The following ADIPOR1 variants were observed in gnomAD, a reference collection of about 807,000 sequenced individuals.
The protein encoded by ADIPOR1 is adiponectin receptor 1.
Under a neutral mutation model 37.5 loss-of-function variants are expected in ADIPOR1, and 15 were observed. That is an observed-to-expected ratio of 0.40 (90% confidence interval 0.27 to 0.62). The LOEUF is 0.62. Among genes scored for constraint, ADIPOR1 ranks in the 20% least tolerant of loss-of-function variants. The pLI is 0.42. For synonymous variants in ADIPOR1, 173 were observed against 173.2 expected (o/e 1.00, Z 0.01); for missense variants, 286 against 478.0 (o/e 0.60, Z 3.75).
chr1:202,941,950 CACCTTTTCCTCAG>C lies in ADIPOR1; in HGVS notation c.999+62_999+74del. ...ACACTATATGATCCCAGTCTCATACCACCTTTTCCTCAGCCCTTTAACTTTGGGCTGTTCACTC... is the reference window on the plus strand; with the variant it reads ...ACACTATATGATCCCAGTCTCATACCCCCTTTAACTTTGGGCTGTTCACTC... On this transcript the variant is annotated intron_variant, in intron 7 of 7. Transcript: ENST00000340990. 5 of 1,463,972 alleles carry C rather than the reference CACCTTTTCCTCAG, an allele frequency of 3.4e-6. No individual in the cohort carries two copies. The South Asian group carries it at 6.6e-5, about 19-fold the overall frequency. The allele number at this position is 1,463,972 out of a possible 1,614,324, so 90.7% of individuals were successfully genotyped here.
At position 202,940,910 on chromosome 1, in the gene ADIPOR1, G is replaced by A. The variant is rs1382864151; in HGVS notation, c.*663C>T. 1 of 152,474 alleles carries A rather than the reference G, an allele frequency of 6.6e-6. No individual in the cohort carries two copies. The highest frequency in any genetic ancestry group is 2.4e-5 in the African/African-American group (1 of 41,378). The allele number at this position is 152,474 out of a possible 1,614,324, so 9.4% of individuals were successfully genotyped here. On this transcript the variant is annotated 3_prime_UTR_variant, in exon 8 of 8. Coordinates refer to ENST00000340990, the MANE Select transcript of ADIPOR1 (RefSeq NM_015999.6). ...ATCAAGATACATAGCAATGATAGCA[G>A]GTTTCTTTTTAAAGCTTAGTATTAA...
At position 202,945,045 on chromosome 1, in the gene ADIPOR1, G is replaced by A. The variant is rs551807949; in HGVS notation, c.555C>T (p.Ser185=). 1 of 1,614,156 alleles carries A rather than the reference G, an allele frequency of 6.2e-7. No individual in the cohort carries two copies. Among genetic ancestry groups the A allele is most frequent in the African/African-American group, 1.3e-5 (1 of 75,040 alleles). The change falls in exon 5 of 8, where the codon AGC becomes AGT. Residue 185 remains serine (S), a synonymous_variant. Transcript: ENST00000340990. The part of the protein sequence containing the change: ...MFFLGAVLCL[S]FSWLFHTVYC... ...AGACGGTGTGAAAGAGCCAGGAGAA[G>A]CTGAGGCAGAGCACTGCACCCAAAA...
rs569442252 is a variant in ADIPOR1, at chr1:202,950,618, G to C, written c.141+312C>G. On this transcript the variant is annotated intron_variant, in intron 2 of 7. Coordinates refer to ENST00000340990, the MANE Select transcript of ADIPOR1 (RefSeq NM_015999.6). ...TCCTGTCAAAACTGTAAGGATTTTT[G>C]TGTGTTATATGAAGTCAAACCTAAT... Among the ~76,000 whole-genome samples, 18 of 152,202 alleles carry C rather than the reference G, an allele frequency of 1.2e-4. No homozygotes were observed. In the South Asian group the frequency reaches 3.1e-3, roughly 26 times the overall value.
intron 3 of ADIPOR1, among the ~76,000 whole-genome samples, chr1:202,947,984 T>G (rs1422330600): frequency 6.6e-6 from 1 of 152,226 alleles, no homozygotes; most frequent in East Asian, 1.9e-4. Context: ...AATACATTAG[T>G]GCTCATCATT....
chr1:202,955,420 C>T (rs113274274), intron 1 of ADIPOR1, among the ~76,000 whole-genome samples: 15 of 152,004 alleles, frequency 9.9e-5, no homozygotes, highest in African/African-American at 3.4e-4. Flanking sequence ...GAGACAAGGT[C>T]TCACTATGTT....
Position 202,945,093 on chromosome 1 carries a change from C to T in ADIPOR1, c.507G>A (p.Glu169=). ...PNMYFMAPLQ[E]KVVFGMFFLG... ...AAAAGAACATCCCAAAAACCACCTT[C>T]TCCTGTAGAGGGGCCATGAAGTACA... The change falls in exon 5 of 8, where the codon GAG becomes GAA. Residue 169 remains glutamate (E), a synonymous_variant. Coordinates refer to ENST00000340990, the MANE Select transcript of ADIPOR1 (RefSeq NM_015999.6). The T allele has an allele frequency of 1.9e-6, 3 of 1,614,162 alleles. No homozygotes were observed. Among genetic ancestry groups the T allele is most frequent in the Non-Finnish European group, 2.5e-6 (3 of 1,180,018 alleles).
chr1:202,945,864 C>T (rs894877743), intron 4 of ADIPOR1, among the ~76,000 whole-genome samples: 21 of 151,734 alleles, frequency 1.4e-4, no homozygotes, highest in African/African-American at 4.8e-5. Context: ...GACTTAGAAG[C>T]GGGAGGGGGA....
intron 7 of ADIPOR1, 22 bp downstream of exon 7, chr1:202,942,003 T>C (rs1438590701): frequency 6.3e-7 from 1 of 1,598,844 alleles, no homozygotes; most frequent in Non-Finnish European, 8.5e-7. Flanking sequence ...TCACAGGACC[T>C]GCTGGAAGAT....
At chr1:202,956,691 T>C (rs12083217) in intron 1 of ADIPOR1, among the ~76,000 whole-genome samples, 1,704 of 152,216 alleles carry the variant, frequency 0.011, 24 homozygotes, top group African/African-American at 0.039. Flanking sequence ...GTATATGGTG[T>C]GAACATGCCA....
chr1:202,946,725 TA>T (rs1654337165), intron 3 of ADIPOR1, 115 bp from the exon 4 acceptor site: 2 of 1,083,350 alleles, frequency 1.8e-6, no homozygotes, highest in Non-Finnish European at 2.7e-6. Flanking sequence ...TGGTCCTAGG[TA>T]ATAGTGGAGA....
intron 1 of ADIPOR1, among the ~76,000 whole-genome samples, chr1:202,951,707 G>A (rs114412736): frequency 5.6e-4 from 85 of 152,318 alleles, no homozygotes; most frequent in Middle Eastern, 3.4e-3. Flanking sequence ...TTGGTTGTGG[G>A]ACAGATGCCT....
At position 202,946,439 on chromosome 1, in the gene ADIPOR1, C is replaced by G; in HGVS notation, c.430G>C (p.Gly144Arg). The change falls in exon 4 of 8, where the codon GGT becomes CGT. Residue 144 changes from glycine to arginine, a missense_variant and splice_region_variant. Gly to Arg is a moderately radical substitution (Grantham distance 125). Transcript: ENST00000340990. The part of the protein sequence containing the change: ...ETGNIWTHLL[G>R]FVLFLFLGIL... ...ACCTTTCCCCATCCAAATCACTCAC[C>G]AAGCAGATGGGTCCAGATGTTGCCA... The G allele has an allele frequency of 6.2e-7, 1 of 1,613,858 alleles. No homozygotes were observed. Among genetic ancestry groups the G allele is most frequent in the Non-Finnish European group, 8.5e-7 (1 of 1,179,986 alleles).
chr1:202,947,204 TG>T (rs1001822507), intron 3 of ADIPOR1, among the ~76,000 whole-genome samples: 109 of 152,194 alleles, frequency 7.2e-4, no homozygotes, highest in African/African-American at 2.6e-3. Context: ...TTTAGGTAAG[TG>T]TTTCTCAACC....
intron 2 of ADIPOR1, among the ~76,000 whole-genome samples, chr1:202,948,719 C>G (rs1000825332): frequency 6.6e-6 from 1 of 152,122 alleles, no homozygotes; most frequent in Non-Finnish European, 1.5e-5. Context: ...ACATCCTTTT[C>G]TTTAGGATAG....
At position 202,940,970 on chromosome 1, in the gene ADIPOR1, T is replaced by C. The variant is rs1654057077; in HGVS notation, c.*603A>G. Reference sequence around the variant, plus strand: ...ATCTTTCCCCATTTAAATTTTACATTACTCTGCCAAGAAAAAAAAAAAATT... The same window carrying C: ...ATCTTTCCCCATTTAAATTTTACATCACTCTGCCAAGAAAAAAAAAAAATT... On this transcript the variant is annotated 3_prime_UTR_variant, in exon 8 of 8. Coordinates refer to ENST00000340990, the MANE Select transcript of ADIPOR1 (RefSeq NM_015999.6). The C allele has an allele frequency of 6.6e-6, 1 of 152,540 alleles. No individual in the cohort carries two copies. The highest frequency in any genetic ancestry group is 2.1e-4 in the South Asian group (1 of 4,832). 9.4% of individuals were successfully genotyped at this position (152,540 alleles called of 1,614,324 possible). A position where few individuals can be genotyped will look rare whatever the true frequency, so the allele number is the denominator to read the frequency against.
Position 202,950,972 on chromosome 1 carries a change from C to G in ADIPOR1, c.99G>C (p.Leu33=). The part of the protein sequence containing the change: ...DTVELAELGP[L]LEEKGKRVIA... The stretch of plus-strand genomic sequence containing the variant: ...TTACCCGTTTGCCCTTCTCTTCTAG[C>G]AGGGGTCCCAGTTCAGCCAGTTCCA... The change falls in exon 2 of 8, where the codon CTG becomes CTC. Residue 33 remains leucine (L), a synonymous_variant. Coordinates refer to ENST00000340990, the MANE Select transcript of ADIPOR1 (RefSeq NM_015999.6). 1.2e-6 allele frequency: 2 copies of G among 1,614,194 alleles called. No individual in the cohort carries two copies. The highest frequency in any genetic ancestry group is 8.5e-7 in the Non-Finnish European group (1 of 1,180,030).
intron 3 of ADIPOR1, among the ~76,000 whole-genome samples, chr1:202,947,101 G>A (rs1654361412): frequency 6.6e-6 from 1 of 151,948 alleles, no homozygotes; most frequent in Admixed American, 6.6e-5. Context: ...GGGCGACCGA[G>A]CAAGACTCTG....
At chr1:202,950,031 C>T (rs1471130370) in intron 2 of ADIPOR1, among the ~76,000 whole-genome samples, 8 of 152,026 alleles carry the variant, frequency 5.3e-5, no homozygotes, top group Non-Finnish European at 8.8e-5. Flanking sequence ...GGCACGATCT[C>T]GGCTCACTGC....
chr1:202,954,093 C>T (rs1348136030), intron 1 of ADIPOR1: 1 of 152,248 alleles, frequency 6.6e-6, no homozygotes, highest in Non-Finnish European at 1.5e-5. Context: ...CCGATTCCCT[C>T]TAGCTCCTCT....
Sources: gnomAD v4.1 joint callset for allele counts (sites outside exome capture counted in the v4.1 genomes callset) on GRCh38, gnomAD v4.1.1 for gene constraint, MANE v1.5 for transcripts, NCBI Gene and HGNC (gene_info 2026-07-23, HGNC 2026-07-21) for gene names.